Variants in PODXL observed in about 807,000 individuals in gnomAD.
PODXL encodes podocalyxin like.
PODXL carries 20 observed loss-of-function variants against 48.9 expected under a neutral mutation model. The observed-to-expected ratio is 0.41, with a 90% confidence interval of 0.29 to 0.59. The LOEUF is 0.59. PODXL is among the 20% of genes least tolerant of loss of function. PODXL has a pLI of 0.31. For missense variants in PODXL, 606 were observed against 675.1 expected (o/e 0.90, Z 1.13); for synonymous variants, 295 against 287.4 (o/e 1.03, Z -0.27).
At chr7:131,521,472 G>T (rs925673117) in intron 1 of PODXL, among the ~76,000 whole-genome samples, 39 of 152,038 alleles carry the variant, frequency 2.6e-4, no homozygotes, top group Non-Finnish European at 4.4e-5. Context: ...CTCCTGAGTG[G>T]CTGGGATTAT....
chr7:131,529,385 C>T (rs1022225061), intron 1 of PODXL, among the ~76,000 whole-genome samples: 2 of 152,058 alleles, frequency 1.3e-5, no homozygotes, highest in African/African-American at 4.8e-5. Flanking sequence ...AAGCCTGCTT[C>T]AATCTTCAAG....
intron 1 of PODXL, among the ~76,000 whole-genome samples, chr7:131,553,819 T>G (rs1430202470): frequency 2.0e-5 from 3 of 152,182 alleles, no homozygotes; most frequent in Non-Finnish European, 2.9e-5. Flanking sequence ...AGAGGTCCCT[T>G]TGGTTCTTTT....
rs1479458712 is a variant in PODXL at position 131,502,961 on chromosome 7, AAC to A, written c.*1348_*1349del. ...GGCCAGGACAGTGGGACGTTCCCACAACAGTCTGTCCCCCAGGCTGCCCTTCA... is the reference window on the plus strand; with the variant it reads ...GGCCAGGACAGTGGGACGTTCCCACAAGTCTGTCCCCCAGGCTGCCCTTCA... On this transcript the variant is annotated 3_prime_UTR_variant, in exon 9 of 9. Coordinates refer to ENST00000378555, the MANE Select transcript of PODXL (RefSeq NM_001018111.3). 6.5e-6 allele frequency: 1 copy of A among 152,730 alleles called. No individual in the cohort carries two copies. The highest frequency in any genetic ancestry group is 2.4e-5 in the African/African-American group (1 of 41,450). The allele number at this position is 152,730 out of a possible 1,614,324, so 9.5% of individuals were successfully genotyped here. A position where few individuals can be genotyped will look rare whatever the true frequency, so the allele number is the denominator to read the frequency against.
At chr7:131,504,530 G>GT (rs2116774017) in intron 8 of PODXL, 22 bp from the exon 9 acceptor site, 2 of 1,607,342 alleles carry the variant, frequency 1.2e-6, no homozygotes, top group East Asian at 4.5e-5. Flanking sequence ...AAGGTGACCG[G>GT]TGAGAAGGGG....
intron 1 of PODXL, among the ~76,000 whole-genome samples, chr7:131,540,264 C>T (rs1410728456): frequency 6.6e-6 from 1 of 152,130 alleles, no homozygotes; most frequent in African/African-American, 2.4e-5. Context: ...CCAAACTAGC[C>T]TTGAACTCCT....
chr7:131,542,198 C>T (rs1258177316), intron 1 of PODXL, among the ~76,000 whole-genome samples: 3 of 152,156 alleles, frequency 2.0e-5, no homozygotes, highest in Admixed American at 1.3e-4. Flanking sequence ...AGGAAGGCAC[C>T]GTCTCTTGCC....
At position 131,554,734 on chromosome 7, in the gene PODXL, G is replaced by A. The variant is rs150400247; in HGVS notation, c.100+1526C>T. Among the ~76,000 whole-genome samples the A allele has an allele frequency of 1.2e-3, 188 of 152,228 alleles. No individual in the cohort carries two copies. In the Middle Eastern group the frequency reaches 0.014, roughly 11 times the overall value. On this transcript the variant is annotated intron_variant, in intron 1 of 8. Transcript: ENST00000378555. The stretch of plus-strand genomic sequence containing the variant: ...GCTTCCTTAAGCTCAGAAGCACTAG[G>A]GACTAACCCCTCTTTCCTGACACAG...
At chr7:131,529,757 G>A (rs1356356784) in intron 1 of PODXL, among the ~76,000 whole-genome samples, 1 of 152,104 alleles carries the variant, frequency 6.6e-6, no homozygotes, top group East Asian at 1.9e-4. Flanking sequence ...CCTCAGGCCT[G>A]GGCAAGCTGT....
intron 1 of PODXL, among the ~76,000 whole-genome samples, chr7:131,538,860 G>C (rs1414330103): frequency 6.6e-6 from 1 of 152,194 alleles, no homozygotes; most frequent in African/African-American, 2.4e-5. Flanking sequence ...CCCAGAGAAG[G>C]GGATGGGTTC....
intron 1 of PODXL, among the ~76,000 whole-genome samples, chr7:131,544,556 G>T (rs918384230): frequency 4.6e-5 from 7 of 152,164 alleles, no homozygotes; most frequent in Middle Eastern, 3.4e-3. Context: ...CTTTTTGGGC[G>T]GTGCTCTCAG....
Position 131,554,115 on chromosome 7 carries a change from T to C in PODXL, c.100+2145A>G, listed in dbSNP as rs570196266. Among the ~76,000 whole-genome samples the C allele has an allele frequency of 9.2e-5, 14 of 152,220 alleles. No individual in the cohort carries two copies. The South Asian group carries it at 2.9e-3, about 32-fold the overall frequency. ...AATCAAATCACAGGATTCCAGCAGATGGGGGGCAGTGTTTATGCTATTCCC... is the reference window on the plus strand; with the variant it reads ...AATCAAATCACAGGATTCCAGCAGACGGGGGGCAGTGTTTATGCTATTCCC... On this transcript the variant is annotated intron_variant, in intron 1 of 8. Transcript: ENST00000378555.
chr7:131,532,528 TAC>T (rs1798299871), intron 1 of PODXL, among the ~76,000 whole-genome samples: 1 of 149,694 alleles, frequency 6.7e-6, no homozygotes, highest in Non-Finnish European at 1.5e-5. Flanking sequence ...GGAGGGGGGG[TAC>T]ATTTTTGGTC....
chr7:131,524,379 C>CAGAGAGAGAGAGAGAGAGAGAGAGAGAG lies in PODXL; in HGVS notation c.101-12974_101-12947dup, dbSNP rs58163575. Reference sequence around the variant, plus strand: ...ACACACACGCACACACACACACACACAGAGAGAGAGAGAGAGAGAGAGAGA... The same window carrying CAGAGAGAGAGAGAGAGAGAGAGAGAGAG: ...ACACACACGCACACACACACACACACAGAGAGAGAGAGAGAGAGAGAGAGAGAGAGAGAGAGAGAGAGAGAGAGAGAGA... On this transcript the variant is annotated intron_variant, in intron 1 of 8. Coordinates refer to ENST00000378555, the MANE Select transcript of PODXL (RefSeq NM_001018111.3). 1.9e-3 allele frequency among the ~76,000 whole-genome samples: 196 copies of CAGAGAGAGAGAGAGAGAGAGAGAGAGAG among 104,012 alleles called. 3 individuals carry two copies. The highest frequency in any genetic ancestry group is 6.4e-3 in the Admixed American group (53 of 8,312). The allele number at this position is 104,012 out of a possible 152,430, so 68.2% of individuals were successfully genotyped here. A position where few individuals can be genotyped will look rare whatever the true frequency, so the allele number is the denominator to read the frequency against.
At chr7:131,506,884 A>G in intron 5 of PODXL, 158 bp from the exon 6 acceptor site, 1 of 716,682 alleles carries the variant, frequency 1.4e-6, no homozygotes, top group Non-Finnish European at 2.3e-6. Context: ...GCCTGCCAGG[A>G]ATCAAGGGTT....
chr7:131,523,689 AAAAAAAAAAAAAACAAGAAAAG>A (rs1377886661), intron 1 of PODXL, among the ~76,000 whole-genome samples: 1 of 128,806 alleles, frequency 7.8e-6, no homozygotes, highest in African/African-American at 3.9e-5. Context: ...AAAAAAAAAA[AAAAAAAAAAAAAACAAGAAAAG>A]AAAAAGAAAA....
intron 1 of PODXL, among the ~76,000 whole-genome samples, chr7:131,530,982 C>T (rs1454423782): frequency 2.0e-5 from 3 of 152,034 alleles, no homozygotes; most frequent in South Asian, 2.1e-4. Context: ...CGCTTGAACC[C>T]GGGAGGCGGA....
intron 1 of PODXL, among the ~76,000 whole-genome samples, chr7:131,522,580 C>T (rs1477483741): frequency 1.3e-5 from 2 of 152,080 alleles, no homozygotes; most frequent in African/African-American, 2.4e-5. Context: ...CCGGGTGCAC[C>T]GAAGGTATTC....
Position 131,556,334 on chromosome 7 carries a change from G to T in PODXL, c.26C>A (p.Ala9Glu). Residue 9 changes from alanine to glutamate, a missense_variant, in exon 1 of 9, where the codon GCG (alanine) becomes GAG (glutamate). Coordinates refer to ENST00000378555, the MANE Select transcript of PODXL (RefSeq NM_001018111.3). ...CGGCGTTGACAACAGTAGCAGCAGCGCCGAGAGCGCCAGCGCGCAGCGCAT... is the reference window on the plus strand; with the variant it reads ...CGGCGTTGACAACAGTAGCAGCAGCTCCGAGAGCGCCAGCGCGCAGCGCAT... MRCALALS[A>E]LLLLLSTPPL... 6.8e-7 allele frequency: 1 copy of T among 1,473,622 alleles called. No homozygotes were observed. The highest frequency in any genetic ancestry group is 9.0e-7 in the Non-Finnish European group (1 of 1,114,138). The allele number at this position is 1,473,622 out of a possible 1,614,324, so 91.3% of individuals were successfully genotyped here.
chr7:131,504,362 C>T lies in PODXL; in HGVS notation c.1626G>A (p.Leu542=). The change falls in exon 9 of 9, where the codon CTG becomes CTA. Residue 542 remains leucine, a synonymous_variant. Transcript: ENST00000378555. The part of the protein sequence containing the change: ...GELGDSWIVP[L]DNLTKDDLDE... ...CCAGGTCGTCCTTGGTCAGGTTGTC[C>T]AGAGGGACGATCCAGCTGTCCCCCA... is the stretch of plus-strand genomic sequence containing the variant. 1 of 1,614,186 alleles carries T rather than the reference C, an allele frequency of 6.2e-7. No individual in the cohort carries two copies. Among genetic ancestry groups the T allele is most frequent in the Non-Finnish European group, 8.5e-7 (1 of 1,180,034 alleles).
Sources: allele counts gnomAD v4.1 joint callset (sites outside exome capture counted in the v4.1 genomes callset), GRCh38; gene constraint gnomAD v4.1.1; transcripts MANE v1.5; gene names NCBI Gene and HGNC (gene_info 2026-07-23, HGNC 2026-07-21).